Variants in LRRK1 observed in about 807,000 individuals in gnomAD.
LRRK1 encodes the protein leucine-rich repeat serine/threonine-protein kinase 1.
LRRK1 carries 113 observed loss-of-function variants against 209.1 expected under a neutral mutation model. The observed-to-expected ratio is 0.54, with a 90% CI of 0.46 to 0.63. LRRK1 has a LOEUF of 0.63. Among genes scored for constraint, LRRK1 ranks in the 30% least tolerant of loss-of-function variants. The pLI is 0.00. For synonymous variants in LRRK1, 1,144 were observed against 1,099.7 expected (o/e 1.04, Z -0.80); for missense variants, 2,284 against 2,632.2 (o/e 0.87, Z 2.89).
At chr15:100,925,864 G>A (rs1433627164) in intron 2 of LRRK1, among the ~76,000 whole-genome samples, 1 of 152,200 alleles carries the variant, frequency 6.6e-6, no homozygotes, top group African/African-American at 2.4e-5. Flanking sequence ...TCTGAACCCT[G>A]TCTTAATGCT....
intron 26 of LRRK1, 43 bp downstream of exon 26, chr15:101,053,463 A>T (rs764921873): frequency 4.7e-5 from 70 of 1,505,372 alleles, no homozygotes; most frequent in Middle Eastern, 3.5e-4. Flanking sequence ...AGACCGACAG[A>T]GCCCCGGGCG....
rs78743599 is a variant in LRRK1, at chr15:100,972,707, T to C, written c.98-1097T>C. Among the ~76,000 whole-genome samples, 314 of 152,232 alleles carry C rather than the reference T, an allele frequency of 2.1e-3. 8 individuals carry two copies. In the East Asian group the frequency reaches 0.022, roughly 11 times the overall value. ...TCTTGGCTTCTCAGCTCCGTTTTAG[T>C]TGGGTGTAAAAACAATAACCCAATT... is the stretch of plus-strand genomic sequence containing the variant. On this transcript the variant is annotated intron_variant, in intron 2 of 33. Transcript: ENST00000388948.
At chr15:101,046,178 G>T in intron 21 of LRRK1, 26 bp downstream of exon 21, 1 of 1,610,614 alleles carries the variant, frequency 6.2e-7, no homozygotes, top group South Asian at 1.1e-5. Flanking sequence ...TTTCTGCATA[G>T]ACAGATGCCC....
At position 101,068,657 on chromosome 15, in the gene LRRK1, C is replaced by A; in HGVS notation, c.5871-14C>A. The A allele has an allele frequency of 1.9e-6, 3 of 1,564,844 alleles. No individual in the cohort carries two copies. The African/African-American group carries it at 4.1e-5, about 21-fold the overall frequency. On this transcript the variant is annotated splice_polypyrimidine_tract_variant and intron_variant, in intron 33 of 33. Transcript: ENST00000388948. ...AACCCCTGTGAGTTTCCTCAGACCC[C>A]CTTCTCTCTGCAGGGTGCTGGTGGA...
chr15:101,009,128 T>C, intron 7 of LRRK1, 65 bp downstream of exon 7: 1 of 1,246,438 alleles, frequency 8.0e-7, no homozygotes, highest in Non-Finnish European at 1.2e-6. Context: ...CTCCTGCACA[T>C]GCTCCCGGGT....
chr15:100,956,610 G>A (rs540365176), intron 2 of LRRK1, among the ~76,000 whole-genome samples: 4 of 151,522 alleles, frequency 2.6e-5, no homozygotes, highest in African/African-American at 4.8e-5. Context: ...GATTACAGGC[G>A]CCCACAACCA....
At chr15:101,011,208 C>T (rs1020703801) in intron 9 of LRRK1, among the ~76,000 whole-genome samples, 9 of 152,040 alleles carry the variant, frequency 5.9e-5, no homozygotes, top group African/African-American at 1.9e-4. Flanking sequence ...ATGGCTCATG[C>T]CTGTAATCCC....
intron 6 of LRRK1, among the ~76,000 whole-genome samples, chr15:101,000,663 G>A (rs555216072): frequency 3.9e-5 from 6 of 152,232 alleles, no homozygotes; most frequent in African/African-American, 7.2e-5. Flanking sequence ...CATCTCCCCC[G>A]TCATCTGCTG....
intron 2 of LRRK1, among the ~76,000 whole-genome samples, chr15:100,937,654 C>G (rs1283355769): frequency 6.6e-6 from 1 of 151,904 alleles, no homozygotes; most frequent in Non-Finnish European, 1.5e-5. Context: ...CCTGCCTCCA[C>G]CTCCCAAGCA....
At chr15:100,998,970 G>T (rs554682901) in intron 6 of LRRK1, among the ~76,000 whole-genome samples, 1 of 152,180 alleles carries the variant, frequency 6.6e-6, no homozygotes. Context: ...TTCTGTTTAC[G>T]TAGGGCCTCA....
At chr15:100,967,591 C>T (rs557843646) in intron 2 of LRRK1, among the ~76,000 whole-genome samples, 2 of 150,788 alleles carry the variant, frequency 1.3e-5, no homozygotes, top group South Asian at 4.2e-4. Flanking sequence ...GAGCTCATAC[C>T]TTGTGTCATA....
chr15:101,013,797 G>A (rs528990826), intron 10 of LRRK1, among the ~76,000 whole-genome samples: 2 of 152,270 alleles, frequency 1.3e-5, no homozygotes, highest in South Asian at 2.1e-4. Context: ...CCCAGCTTGG[G>A]ACTGTGTCGG....
chr15:101,021,600 A>G, intron 13 of LRRK1: 1 of 535,902 alleles, frequency 1.9e-6, no homozygotes, highest in Non-Finnish European at 3.3e-6. Flanking sequence ...TAGCAGAGAC[A>G]GGAAAGTTGG....
chr15:100,946,284 A>G (rs2042537840), intron 2 of LRRK1, among the ~76,000 whole-genome samples: 2 of 152,188 alleles, frequency 1.3e-5, no homozygotes, highest in Non-Finnish European at 2.9e-5. Context: ...ATGAGAATAC[A>G]GGAAAGTTCA....
Position 101,003,002 on chromosome 15 carries a change from G to A in LRRK1, c.763-5835G>A, listed in dbSNP as rs139272744. 7.0e-3 allele frequency among the ~76,000 whole-genome samples: 1,069 copies of A among 152,320 alleles called. 5 individuals are homozygous for A. The highest frequency in any genetic ancestry group is 0.011 in the Admixed American group (168 of 15,302). ...CTGCCTTGGCCTCCCAAAGTTCTGG[G>A]ATTACAGGCATGAGCCACTGCGCCC... On this transcript the variant is annotated intron_variant, in intron 6 of 33. Transcript: ENST00000388948.
chr15:101,019,498 G>C (rs139092343), intron 12 of LRRK1, among the ~76,000 whole-genome samples: 26 of 152,316 alleles, frequency 1.7e-4, no homozygotes, highest in African/African-American at 6.3e-4. Context: ...CCCATTCACA[G>C]TACAGCTAGC....
chr15:100,957,807 G>A (rs1262966964), intron 2 of LRRK1, among the ~76,000 whole-genome samples: 1 of 152,240 alleles, frequency 6.6e-6, no homozygotes, highest in Non-Finnish European at 1.5e-5. Flanking sequence ...AGTAGTTACT[G>A]ACAAGTAAGG....
intron 6 of LRRK1, among the ~76,000 whole-genome samples, chr15:100,998,360 A>G (rs2141679561): frequency 1.3e-5 from 2 of 152,106 alleles, no homozygotes; most frequent in Middle Eastern, 6.8e-3. Context: ...ATCCCCACAC[A>G]ATATCCTCAG....
At position 101,077,013 on chromosome 15, in the gene LRRK1, T is replaced by TTA. The variant is rs1333868626; in HGVS notation, c.*8169_*8170dup. 1 of 152,202 alleles carries TTA rather than the reference T, an allele frequency of 6.6e-6. No individual in the cohort carries two copies. The highest frequency in any genetic ancestry group is 2.4e-5 in the African/African-American group (1 of 41,446). 9.4% of individuals were successfully genotyped at this position (152,202 alleles called of 1,614,324 possible). A position where few individuals can be genotyped will look rare whatever the true frequency, so the allele number is the denominator to read the frequency against. On this transcript the variant is annotated 3_prime_UTR_variant, in exon 34 of 34. Coordinates refer to ENST00000388948, the MANE Select transcript of LRRK1 (RefSeq NM_024652.6). ...AGGCTCTTAGTATTCAGTGAAACCTTTATATCCCTTACAGTCCTCAGCCTT... is the reference window on the plus strand; with the variant it reads ...AGGCTCTTAGTATTCAGTGAAACCTTTATATATCCCTTACAGTCCTCAGCCTT...
Sources: allele counts gnomAD v4.1 joint callset (sites outside exome capture counted in the v4.1 genomes callset), GRCh38; gene constraint gnomAD v4.1.1; transcripts MANE v1.5; gene names NCBI Gene and HGNC (gene_info 2026-07-23, HGNC 2026-07-21).